Variants in CSNK1A1 observed in about 807,000 individuals in gnomAD.
The protein encoded by CSNK1A1 is casein kinase I isoform alpha.
Under a neutral mutation model 46.1 loss-of-function variants are expected in CSNK1A1, and 7 were observed. That is an observed-to-expected ratio of 0.15 (90% CI 0.09 to 0.29). CSNK1A1 has a LOEUF of 0.29. Among genes scored for constraint, CSNK1A1 ranks in the 10% least tolerant of loss-of-function variants. The pLI, the probability that CSNK1A1 is intolerant of heterozygous loss-of-function variation, is 1.00. For missense variants in CSNK1A1, 96 were observed against 417.1 expected, an observed-to-expected ratio of 0.23 and a Z score of 6.71; for synonymous variants, 137 against 141.5, an observed-to-expected ratio of 0.97 and a Z score of 0.23.
Position 149,542,633 on chromosome 5 carries a change from T to C in CSNK1A1, c.230+7442A>G, listed in dbSNP as rs1255829506. Reference sequence around the variant, plus strand: ...ATATATATATATATATATATATATATATATATGTATATATATATATATATA... The same window carrying C: ...ATATATATATATATATATATATATACATATATGTATATATATATATATATA... On this transcript the variant is annotated intron_variant, in intron 2 of 9. Coordinates refer to ENST00000377843, the MANE Select transcript of CSNK1A1 (RefSeq NM_001892.6). 6.1e-3 allele frequency among the ~76,000 whole-genome samples: 74 copies of C among 12,146 alleles called. 5 individuals are homozygous for C. Among genetic ancestry groups the C allele is most frequent in the African/African-American group, 0.035 (57 of 1,640 alleles). The allele number at this position is 12,146 out of a possible 152,430, so 8.0% of individuals were successfully genotyped here. A position where few individuals can be genotyped will look rare whatever the true frequency, so the allele number is the denominator to read the frequency against.
intron 5 of CSNK1A1, among the ~76,000 whole-genome samples, chr5:149,512,415 G>A (rs534692782): frequency 6.6e-6 from 1 of 152,146 alleles, no homozygotes; most frequent in East Asian, 1.9e-4. Flanking sequence ...TATTTCTTAA[G>A]CCTGAAATTC....
intron 2 of CSNK1A1, among the ~76,000 whole-genome samples, chr5:149,533,027 A>G (rs1761949081): frequency 6.6e-6 from 1 of 152,174 alleles, no homozygotes; most frequent in African/African-American, 2.4e-5. Context: ...CTGCCTTGTT[A>G]CTACTAATCC....
chr5:149,536,230 G>A (rs1368632204), intron 2 of CSNK1A1, among the ~76,000 whole-genome samples: 1 of 152,176 alleles, frequency 6.6e-6, no homozygotes, highest in Non-Finnish European at 1.5e-5. Context: ...TAGGATTACA[G>A]GAGTGAGCCA....
At position 149,494,334 on chromosome 5, in the gene CSNK1A1, C is replaced by T. The variant is rs1450735797; in HGVS notation, c.*2519G>A. On this transcript the variant is annotated 3_prime_UTR_variant, in exon 10 of 10. Transcript: ENST00000377843. ...CCATATGGGAGGAGATAACCAGTCT[C>T]TCCCTTCATATATATTCTTTTTTAT... 2.6e-5 allele frequency: 4 copies of T among 151,934 alleles called. No homozygotes were observed. 9.4% of individuals were successfully genotyped at this position (151,934 alleles called of 1,614,324 possible). A position where few individuals can be genotyped will look rare whatever the true frequency, so the allele number is the denominator to read the frequency against.
rs139045564 is a variant in CSNK1A1, at chr5:149,509,162, C to T, written c.750+717G>A. Among the ~76,000 whole-genome samples the T allele has an allele frequency of 5.4e-3, 809 of 148,640 alleles. 9 individuals are homozygous for T. The highest frequency in any genetic ancestry group is 0.019 in the African/African-American group (788 of 40,456). On this transcript the variant is annotated intron_variant, in intron 7 of 9. Transcript: ENST00000377843. ...CTGGTCTGGAACTCCCGGGCTCAAG[C>T]GATCCACCCTCCTTCAGCCTACCAA...
chr5:149,543,309 T>C (rs749425864), intron 2 of CSNK1A1, among the ~76,000 whole-genome samples: 1 of 152,182 alleles, frequency 6.6e-6, no homozygotes, highest in Non-Finnish European at 1.5e-5. Flanking sequence ...ACAGTCTAAT[T>C]TGTATTAGTA....
At chr5:149,510,811 C>T (rs1761196305) in intron 6 of CSNK1A1, among the ~76,000 whole-genome samples, 1 of 152,144 alleles carries the variant, frequency 6.6e-6, no homozygotes, top group South Asian at 2.1e-4. Flanking sequence ...ATGTTCAACA[C>T]AAGGGCAAAG....
intron 6 of CSNK1A1, among the ~76,000 whole-genome samples, chr5:149,510,188 A>G (rs1761171902): frequency 6.6e-6 from 1 of 152,224 alleles, no homozygotes; most frequent in South Asian, 2.1e-4. Context: ...GGGTGAGTCT[A>G]ATAGGAATAT....
intron 2 of CSNK1A1, chr5:149,545,421 G>T: frequency 1.9e-6 from 1 of 527,588 alleles, no homozygotes; most frequent in South Asian, 2.5e-5. Flanking sequence ...GAGCCTTTGG[G>T]AGGAGCCTGA....
chr5:149,527,513 G>GA (rs1761759113), intron 2 of CSNK1A1, among the ~76,000 whole-genome samples: 1 of 152,092 alleles, frequency 6.6e-6, no homozygotes, highest in South Asian at 2.1e-4. Context: ...CTCCCTATGG[G>GA]AATTCAACAC....
At chr5:149,509,794 G>T in intron 7 of CSNK1A1, 85 bp downstream of exon 7, 1 of 954,596 alleles carries the variant, frequency 1.0e-6, no homozygotes, top group Non-Finnish European at 1.6e-6. Flanking sequence ...TACTGCCTTG[G>T]CCTCCCAAAG....
intron 9 of CSNK1A1, chr5:149,503,961 C>A (rs1338010264): frequency 5.1e-6 from 5 of 985,276 alleles, no homozygotes; most frequent in Non-Finnish European, 6.0e-6. Flanking sequence ...TATAGGTTGT[C>A]AGGTGTAACA....
intron 2 of CSNK1A1, among the ~76,000 whole-genome samples, chr5:149,526,616 A>G (rs1262640573): frequency 6.6e-6 from 1 of 152,212 alleles, no homozygotes; most frequent in Non-Finnish European, 1.5e-5. Context: ...TTAATCTTTT[A>G]AGAATATTTT....
At chr5:149,532,854 C>A (rs1199661701) in intron 2 of CSNK1A1, among the ~76,000 whole-genome samples, 3 of 152,132 alleles carry the variant, frequency 2.0e-5, no homozygotes, top group African/African-American at 4.8e-5. Context: ...ATACATAGAT[C>A]TCATGGGGGG....
chr5:149,508,190 A>G (rs1761096517), intron 7 of CSNK1A1, among the ~76,000 whole-genome samples: 1 of 152,230 alleles, frequency 6.6e-6, no homozygotes, highest in Admixed American at 6.5e-5. Flanking sequence ...TCCTGGAGTT[A>G]GGAAGGATAG....
At chr5:149,502,758 C>A (rs1760909930) in intron 9 of CSNK1A1, 5 of 975,396 alleles carry the variant, frequency 5.1e-6, no homozygotes, top group Non-Finnish European at 4.9e-6. Flanking sequence ...AATCATTGAG[C>A]TGTATGAGTT....
rs7711980 is a variant in CSNK1A1 at position 149,498,100 on chromosome 5, G to A, written c.1007-1240C>T. 1.1e-3 allele frequency: 1,075 copies of A among 982,946 alleles called. 9 individuals are homozygous for A. In the African/African-American group the frequency reaches 0.018, roughly 16 times the overall value. The allele number at this position is 982,946 out of a possible 1,614,324, so 60.9% of individuals were successfully genotyped here. A position where few individuals can be genotyped will look rare whatever the true frequency, so the allele number is the denominator to read the frequency against. On this transcript the variant is annotated intron_variant, in intron 9 of 9. Transcript: ENST00000377843. ...ACCCGCCATGGCCTCCCAAAGTGTGGGGGTTACAGGTGGGAGCCACCGTGC... is the reference window on the plus strand; with the variant it reads ...ACCCGCCATGGCCTCCCAAAGTGTGAGGGTTACAGGTGGGAGCCACCGTGC...
In CSNK1A1 at chr5:149,493,977, A is replaced by C. The variant is rs1361085696; in HGVS notation, c.*2876T>G. ...CTCACCTGCATTAAATGCTGAATTT[A>C]ACTGAGCTAAAAATGTCTAGGCCAT... On this transcript the variant is annotated 3_prime_UTR_variant, in exon 10 of 10. Coordinates refer to ENST00000377843, the MANE Select transcript of CSNK1A1 (RefSeq NM_001892.6). 6.6e-6 allele frequency: 1 copy of C among 152,240 alleles called. No homozygotes were observed. The highest frequency in any genetic ancestry group is 1.9e-4 in the East Asian group (1 of 5,200). The allele number at this position is 152,240 out of a possible 1,614,324, so 9.4% of individuals were successfully genotyped here. A position where few individuals can be genotyped will look rare whatever the true frequency, so the allele number is the denominator to read the frequency against.
intron 2 of CSNK1A1, among the ~76,000 whole-genome samples, chr5:149,531,524 A>T (rs1438612926): frequency 7.6e-6 from 1 of 131,704 alleles, no homozygotes; most frequent in Non-Finnish European, 1.6e-5. Context: ...GTCTCAAAAA[A>T]AAAAGAAAGA....
Sources: gnomAD v4.1 joint callset for allele counts (sites outside exome capture counted in the v4.1 genomes callset) on GRCh38, gnomAD v4.1.1 for gene constraint, MANE v1.5 for transcripts, NCBI Gene and HGNC (gene_info 2026-07-23, HGNC 2026-07-21) for gene names.